CSMD1: variants seen among roughly 807,000 people sequenced by gnomAD.
CSMD1 encodes CUB and sushi domain-containing protein 1.
Under a neutral mutation model 417.5 loss-of-function variants are expected in CSMD1, and 213 were observed. The observed-to-expected ratio is 0.51, with a 90% CI of 0.46 to 0.57. The LOEUF (loss-of-function observed/expected upper bound fraction) is 0.57, where lower values mean the gene tolerates loss of function less well. CSMD1 is among the 20% of genes least tolerant of loss of function. The probability of loss-of-function intolerance (pLI) is 0.00; values close to 1 mark genes in which losing one functional copy is unlikely to be tolerated. For missense variants in CSMD1, 6,923 were observed against 4,529.7 expected (o/e 1.53, Z -15.17); for synonymous variants, 2,862 against 1,736.8 (o/e 1.65, Z -16.11).
At chr8:3,438,989 C>A (rs117927638) in intron 12 of CSMD1, among the ~76,000 whole-genome samples, 1,825 of 150,646 alleles carry the variant, frequency 0.012, 18 homozygotes, top group Non-Finnish European at 0.019. Flanking sequence ...GTAGTGGGCA[C>A]CTGTAATCCC....
At chr8:3,707,045 G>C (rs1198966128) in intron 7 of CSMD1, among the ~76,000 whole-genome samples, 1 of 151,940 alleles carries the variant, frequency 6.6e-6, no homozygotes, top group Non-Finnish European at 1.5e-5. Flanking sequence ...GGGGTAGTCA[G>C]AGTATGGTAG....
rs77197703 is a variant in CSMD1, at chr8:4,510,715, C to T, written c.303-90650G>A. 2.5e-3 allele frequency among the ~76,000 whole-genome samples: 370 copies of T among 145,646 alleles called. 3 individuals are homozygous for T. The highest frequency in any genetic ancestry group is 9.1e-3 in the African/African-American group (356 of 39,278). ...TCCCCTTTCCCTTCCTTCCCCTTTCCCTTCCCTTCCTTGCCTCCTCTCTTC... is the reference window on the plus strand; with the variant it reads ...TCCCCTTTCCCTTCCTTCCCCTTTCTCTTCCCTTCCTTGCCTCCTCTCTTC... On this transcript the variant is annotated intron_variant, in intron 2 of 69. Coordinates refer to ENST00000635120, the MANE Select transcript of CSMD1 (RefSeq NM_033225.6).
chr8:4,331,292 G>C lies in CSMD1; in HGVS notation c.415+88661C>G, dbSNP rs924437477. On this transcript the variant is annotated intron_variant, in intron 3 of 69. Transcript: ENST00000635120. Reference sequence around the variant, plus strand: ...CGGTGACACAAGGTGCTGAATGGCAGAAGCATCATGCTGCACGGTGGGTGC... The same window carrying C: ...CGGTGACACAAGGTGCTGAATGGCACAAGCATCATGCTGCACGGTGGGTGC... 7.9e-5 allele frequency among the ~76,000 whole-genome samples: 12 copies of C among 152,120 alleles called. No homozygotes were observed. In the East Asian group the frequency reaches 2.3e-3, roughly 30 times the overall value.
chr8:3,833,920 T>C (rs2129089244), intron 5 of CSMD1, among the ~76,000 whole-genome samples: 1 of 152,282 alleles, frequency 6.6e-6, no homozygotes, highest in Admixed American at 6.5e-5. Context: ...AAATATCAAA[T>C]TTATGTATTA....
At chr8:4,629,875 G>C (rs1044312323) in intron 2 of CSMD1, among the ~76,000 whole-genome samples, 4 of 152,074 alleles carry the variant, frequency 2.6e-5, no homozygotes, top group African/African-American at 7.2e-5. Flanking sequence ...TGTTCCCTTT[G>C]TGTAAATCTG....
At chr8:4,213,883 C>T (rs1419347522) in intron 3 of CSMD1, among the ~76,000 whole-genome samples, 3 of 152,148 alleles carry the variant, frequency 2.0e-5, no homozygotes, top group Non-Finnish European at 4.4e-5. Flanking sequence ...AAGGTGAGGT[C>T]CTACAGATAC....
At chr8:2,966,277 C>G (rs917490536) in intron 58 of CSMD1, among the ~76,000 whole-genome samples, 1 of 152,146 alleles carries the variant, frequency 6.6e-6, no homozygotes, top group Non-Finnish European at 1.5e-5. Context: ...GACATTTCTT[C>G]TTTCTCTGCA....
chr8:4,527,338 C>CA (rs779782644), intron 2 of CSMD1, among the ~76,000 whole-genome samples: 1 of 151,976 alleles, frequency 6.6e-6, no homozygotes, highest in Non-Finnish European at 1.5e-5. Flanking sequence ...TGCCCTTTAC[C>CA]CAAAAAACAA....
chr8:4,519,546 C>T (rs1803313977), intron 2 of CSMD1, among the ~76,000 whole-genome samples: 1 of 151,332 alleles, frequency 6.6e-6, no homozygotes, highest in Non-Finnish European at 1.5e-5. Context: ...TCAAGACTAG[C>T]CTGGACAACA....
chr8:4,584,388 G>C (rs7003673), intron 2 of CSMD1, among the ~76,000 whole-genome samples: 2 of 152,190 alleles, frequency 1.3e-5, no homozygotes, highest in East Asian at 3.9e-4. Flanking sequence ...TTGCTATTCT[G>C]TCCTATTTTT....
intron 3 of CSMD1, among the ~76,000 whole-genome samples, chr8:4,286,576 A>C (rs957368056): frequency 1.1e-4 from 16 of 152,106 alleles, no homozygotes; most frequent in Admixed American, 6.6e-4. Context: ...GACACCCAAA[A>C]CCAGCACCTG....
chr8:4,281,625 A>T (rs1324137678), intron 3 of CSMD1, among the ~76,000 whole-genome samples: 2 of 152,164 alleles, frequency 1.3e-5, no homozygotes, highest in Non-Finnish European at 2.9e-5. Context: ...AAAGCTTTTA[A>T]CTTTTATGTT....
chr8:3,399,069 C>G (rs890840477), intron 16 of CSMD1, among the ~76,000 whole-genome samples: 1 of 152,100 alleles, frequency 6.6e-6, no homozygotes, highest in Non-Finnish European at 1.5e-5. Context: ...AGAGTGGTTT[C>G]CATGTGCAAT....
intron 3 of CSMD1, among the ~76,000 whole-genome samples, chr8:4,316,690 C>A (rs1798956573): frequency 6.6e-6 from 1 of 151,944 alleles, no homozygotes. Flanking sequence ...AAGGGGGGGG[C>A]TTCCTTTATG....
At chr8:3,411,942 G>GTATACGTGTATATA (rs1554543328) in intron 12 of CSMD1, among the ~76,000 whole-genome samples, 6 of 6,818 alleles carry the variant, frequency 8.8e-4, no homozygotes, top group Non-Finnish European at 1.6e-3. Flanking sequence ...ACGTATATAT[G>GTATACGTGTATATA]CACGTATATA....
Position 4,313,161 on chromosome 8 carries a change from T to G in CSMD1, c.415+106792A>C, listed in dbSNP as rs534951862. 1.6e-4 allele frequency among the ~76,000 whole-genome samples: 25 copies of G among 152,306 alleles called. No individual in the cohort carries two copies. The South Asian group carries it at 5.2e-3, about 32-fold the overall frequency. ...GAGCAAGCTGGAACTGGTCTTTAAT[T>G]TCTAATCTACTAAATGTACATTTTT... On this transcript the variant is annotated intron_variant, in intron 3 of 69. Coordinates refer to ENST00000635120, the MANE Select transcript of CSMD1 (RefSeq NM_033225.6).
At chr8:4,279,254 C>T (rs1170817751) in intron 3 of CSMD1, among the ~76,000 whole-genome samples, 1 of 152,148 alleles carries the variant, frequency 6.6e-6, no homozygotes, top group African/African-American at 2.4e-5. Flanking sequence ...GTGCAAGCCA[C>T]ATTTTGAAAC....
chr8:4,630,713 C>T (rs1284714508), intron 2 of CSMD1, among the ~76,000 whole-genome samples: 1 of 152,172 alleles, frequency 6.6e-6, no homozygotes, highest in South Asian at 2.1e-4. Flanking sequence ...CTGTCCACCT[C>T]TGGTGCCCTC....
chr8:3,663,937 G>C (rs977589419), intron 7 of CSMD1, among the ~76,000 whole-genome samples: 2 of 152,058 alleles, frequency 1.3e-5, no homozygotes, highest in African/African-American at 2.4e-5. Flanking sequence ...CAGATATTTG[G>C]GGTTCACAGA....
Sources: gnomAD v4.1 joint callset for allele counts (sites outside exome capture counted in the v4.1 genomes callset) on GRCh38, gnomAD v4.1.1 for gene constraint, MANE v1.5 for transcripts, NCBI Gene and HGNC (gene_info 2026-07-23, HGNC 2026-07-21) for gene names.